CPS1: variants seen among roughly 807,000 people sequenced by gnomAD.
CPS1 encodes carbamoyl-phosphate synthase [ammonia], mitochondrial.
A neutral mutation model predicts 174.6 loss-of-function variants in CPS1; 109 were observed. The observed-to-expected ratio is 0.62, with a 90% CI of 0.53 to 0.73. The LOEUF is 0.73. Ranked by LOEUF, CPS1 falls within the 30% of genes least tolerant of loss-of-function variation. CPS1 has a pLI of 0.00. For synonymous variants in CPS1, 637 were observed against 632.0 expected (o/e 1.01, Z -0.12); for missense variants, 1,689 against 1,821.9 (o/e 0.93, Z 1.33).
chr2:210,649,871 A>C (rs1321651583), intron 27 of CPS1, among the ~76,000 whole-genome samples: 5 of 152,172 alleles, frequency 3.3e-5, no homozygotes, highest in Non-Finnish European at 7.3e-5. Flanking sequence ...TGTATTAGCA[A>C]ATATTACTTT....
chr2:210,637,576 T>C (rs1700075755), intron 21 of CPS1, 126 bp from the exon 22 acceptor site: 1 of 992,964 alleles, frequency 1.0e-6, no homozygotes, highest in South Asian at 1.4e-5. Context: ...TTTTAAAAGA[T>C]AACAAGACTT....
chr2:210,627,216 A>G (rs1258704022), intron 21 of CPS1, among the ~76,000 whole-genome samples: 2 of 152,210 alleles, frequency 1.3e-5, no homozygotes. Flanking sequence ...GCAGGGAGAA[A>G]GCCCCAGCAA....
chr2:210,592,225 G>C (rs762670207), intron 10 of CPS1, among the ~76,000 whole-genome samples: 2 of 152,062 alleles, frequency 1.3e-5, no homozygotes, highest in East Asian at 1.9e-4. Flanking sequence ...TATTCACCCA[G>C]AGTTTTTAAA....
intron 10 of CPS1, 84 bp from the exon 11 acceptor site, chr2:210,592,795 C>A: frequency 7.5e-7 from 1 of 1,342,028 alleles, no homozygotes; most frequent in Non-Finnish European, 1.1e-6. Flanking sequence ...TAAATTTGAG[C>A]TTTATTGTTC....
At chr2:210,658,774 A>C (rs943057279) in intron 31 of CPS1, 86 bp downstream of exon 31, 16 of 993,502 alleles carry the variant, frequency 1.6e-5, no homozygotes, top group Admixed American at 1.3e-4. Context: ...TTCTCTGTGA[A>C]CACCAGACAA....
At chr2:210,659,919 G>A (rs759101196) in intron 31 of CPS1, among the ~76,000 whole-genome samples, 46 of 152,242 alleles carry the variant, frequency 3.0e-4, no homozygotes, top group Non-Finnish European at 5.6e-4. Context: ...ACTGGATCTC[G>A]CAAAACGGTT....
Position 210,650,424 on chromosome 2 carries a change from A to T in CPS1, c.3466A>T (p.Thr1156Ser), listed in dbSNP as rs201246466. The change falls in exon 28 of 38, where the codon ACT becomes TCT. Residue 1156 changes from threonine (T) to serine (S), a missense_variant. Coordinates refer to ENST00000233072, the MANE Select transcript of CPS1 (RefSeq NM_001875.5). ...DEMKKFLEEA[T>S]RVSQEHPVVL... ...GATGAAAAAATTCCTAGAAGAGGCG[A>T]CTAGAGTTTCTCAGGTAGTGTCCAA... 5.5e-4 allele frequency: 887 copies of T among 1,612,600 alleles called. 8 individuals carry two copies. The South Asian group carries it at 9.1e-3, about 17-fold the overall frequency.
chr2:210,545,096 C>A (rs1299687026), intron 1 of CPS1, among the ~76,000 whole-genome samples: 1 of 152,032 alleles, frequency 6.6e-6, no homozygotes, highest in African/African-American at 2.4e-5. Flanking sequence ...GTTCTTTTCC[C>A]AGACGTAGCA....
intron 6 of CPS1, among the ~76,000 whole-genome samples, chr2:210,587,549 C>G (rs984107302): frequency 1.3e-5 from 2 of 150,980 alleles, no homozygotes; most frequent in Non-Finnish European, 3.0e-5. Context: ...ACCTGCTTAG[C>G]AATTCCTGTG....
chr2:210,556,639 C>A lies in CPS1; in HGVS notation c.-95C>A. 1 of 1,570,650 alleles carries A rather than the reference C, an allele frequency of 6.4e-7. No individual in the cohort carries two copies. ...GTCAGCCTTAAACACTGACTGCACC[C>A]CTCCCAGATTTCTTTTACATTAACT... is the stretch of plus-strand genomic sequence containing the variant. On this transcript the variant is annotated 5_prime_UTR_variant, in exon 1 of 38. Transcript: ENST00000233072.
At chr2:210,581,374 G>A (rs1007901905) in intron 5 of CPS1, among the ~76,000 whole-genome samples, 9 of 152,036 alleles carry the variant, frequency 5.9e-5, no homozygotes, top group East Asian at 1.9e-4. Context: ...CAAAATTGGC[G>A]GAATAGATTG....
chr2:210,548,966 G>A (rs1314726595), intron 1 of CPS1, among the ~76,000 whole-genome samples: 1 of 152,016 alleles, frequency 6.6e-6, no homozygotes, highest in Non-Finnish European at 1.5e-5. Context: ...AAGAAATCAG[G>A]TTCAGTATAA....
At chr2:210,612,915 T>C (rs1674863688) in intron 20 of CPS1, among the ~76,000 whole-genome samples, 1 of 151,996 alleles carries the variant, frequency 6.6e-6, no homozygotes, top group South Asian at 2.1e-4. Flanking sequence ...TAATCTACTT[T>C]TATATTTACT....
intron 1 of CPS1, among the ~76,000 whole-genome samples, chr2:210,539,803 G>T (rs1009385950): frequency 1.7e-4 from 26 of 152,058 alleles, no homozygotes; most frequent in African/African-American, 5.8e-4. Context: ...TTTCTACCTT[G>T]TCCCCAGGCT....
At chr2:210,568,991 T>A (rs1372332181) in intron 1 of CPS1, among the ~76,000 whole-genome samples, 1 of 152,042 alleles carries the variant, frequency 6.6e-6, no homozygotes, top group Admixed American at 6.6e-5. Flanking sequence ...TCCTCTCTTA[T>A]CAAATTCACT....
intron 1 of CPS1, among the ~76,000 whole-genome samples, chr2:210,565,834 G>C (rs1309195252): frequency 6.6e-6 from 1 of 152,144 alleles, no homozygotes; most frequent in Non-Finnish European, 1.5e-5. Flanking sequence ...TAAGGACTTT[G>C]ACTGATCATT....
chr2:210,666,486 C>G, intron 33 of CPS1, among the ~76,000 whole-genome samples: 1 of 152,006 alleles, frequency 6.6e-6, no homozygotes. Context: ...TTTAATCCAT[C>G]TTGAATTAAT....
chr2:210,637,271 G>A (rs1481486808), intron 21 of CPS1, among the ~76,000 whole-genome samples: 1 of 152,172 alleles, frequency 6.6e-6, no homozygotes, highest in East Asian at 1.9e-4. Flanking sequence ...AGAGCGAGAA[G>A]CCACTTAGTA....
At chr2:210,506,501 G>A (rs1006585367) in intron 1 of CPS1, among the ~76,000 whole-genome samples, 13 of 152,180 alleles carry the variant, frequency 8.5e-5, no homozygotes, top group South Asian at 8.3e-4. Context: ...CCAAAGGAAC[G>A]CAGCTCCTCA....
Sources: gnomAD v4.1 joint callset for allele counts (sites outside exome capture counted in the v4.1 genomes callset) on GRCh38, gnomAD v4.1.1 for gene constraint, MANE v1.5 for transcripts, NCBI Gene and HGNC (gene_info 2026-07-23, HGNC 2026-07-21) for gene names.